MTUS1: variants seen among roughly 807,000 people sequenced by gnomAD.
MTUS1 encodes the protein microtubule-associated tumor suppressor 1.
Under a neutral mutation model 120.8 loss-of-function variants are expected in MTUS1, and 109 were observed. The observed-to-expected ratio is 0.90, with a 90% CI of 0.77 to 1.06. The LOEUF is 1.06. Among genes scored for constraint, MTUS1 ranks in the 50% least tolerant of loss-of-function variants. The probability of loss-of-function intolerance (pLI) is 0.00; values close to 1 mark genes in which losing one functional copy is unlikely to be tolerated. For synonymous variants in MTUS1, 737 were observed against 550.5 expected (o/e 1.34, Z -4.74); for missense variants, 2,210 against 1,486.3 (o/e 1.49, Z -8.01).
chr8:17,736,757 G>C (rs1056837038), intron 3 of MTUS1, among the ~76,000 whole-genome samples: 10 of 151,866 alleles, frequency 6.6e-5, no homozygotes, highest in African/African-American at 2.4e-4. Context: ...GCTAATTTTT[G>C]TATGTTTAGT....
intron 1 of MTUS1, among the ~76,000 whole-genome samples, chr8:17,766,357 A>G (rs1350056283): frequency 6.6e-6 from 1 of 152,218 alleles, no homozygotes; most frequent in African/African-American, 2.4e-5. Flanking sequence ...ATTCCCACTC[A>G]TGCCAAAGGC....
rs188064244 is a variant in MTUS1, at chr8:17,791,994, T to C, written c.-155+9067A>G. Among the ~76,000 whole-genome samples the C allele has an allele frequency of 2.2e-4, 34 of 152,248 alleles. No individual in the cohort carries two copies. In the East Asian group the frequency reaches 6.2e-3, roughly 28 times the overall value. On this transcript the variant is annotated intron_variant, in intron 1 of 14. Transcript: ENST00000693296. ...TGAGCCAACTGGGGAGCAAAGGTAA[T>C]GAAATTTCACTCAAGGTCACATGGC...
At position 17,800,066 on chromosome 8, in the gene MTUS1, T is replaced by C. The variant is rs75283983; in HGVS notation, c.-155+995A>G. On this transcript the variant is annotated intron_variant, in intron 1 of 14. Coordinates refer to ENST00000693296, the MANE Select transcript of MTUS1 (RefSeq NM_001363059.2). ...CTGAAAAAGCAAACTGTCTACAGAATTGCAATTCCGTTTATGCAATTCCTT... is the reference window on the plus strand; with the variant it reads ...CTGAAAAAGCAAACTGTCTACAGAACTGCAATTCCGTTTATGCAATTCCTT... Among the ~76,000 whole-genome samples the C allele has an allele frequency of 5.9e-3, 894 of 152,328 alleles. 15 individuals carry two copies. The highest frequency in any genetic ancestry group is 0.021 in the African/African-American group (863 of 41,578).
rs568269009 is a variant in MTUS1, at chr8:17,690,124, T to C, written c.2624-5582A>G. Among the ~76,000 whole-genome samples the C allele has an allele frequency of 2.3e-4, 35 of 152,262 alleles. No homozygotes were observed. In the South Asian group the frequency reaches 5.2e-3, roughly 23 times the overall value. ...GGAGAAAATATTTGCAAACTATGCA[T>C]TTGACAAAGATCTAATATTCAGAAT... On this transcript the variant is annotated intron_variant, in intron 6 of 14. Transcript: ENST00000693296.
chr8:17,656,007 C>T lies in MTUS1; in HGVS notation c.2964G>A (p.Val988=), dbSNP rs1585432796. ...LEKARNELQT[V]YEAFVQQHQA... is the part of the protein sequence containing the mutation. ...GGTGCTGCTGGACGAATGCTTCATA[C>T]ACTGTTTGTAACTCATTCCTGGCTT... is the stretch of plus-strand genomic sequence containing the variant. Residue 988 remains valine (V), a synonymous_variant, in exon 9 of 15, where the codon GTG becomes GTA. Transcript: ENST00000693296. The T allele has an allele frequency of 6.2e-7, 1 of 1,614,222 alleles. No individual in the cohort carries two copies. Among genetic ancestry groups the T allele is most frequent in the Non-Finnish European group, 8.5e-7 (1 of 1,180,040 alleles).
chr8:17,773,885 G>C (rs1050392226), intron 1 of MTUS1, among the ~76,000 whole-genome samples: 1 of 152,088 alleles, frequency 6.6e-6, no homozygotes, highest in African/African-American at 2.4e-5. Flanking sequence ...ATGGATCAAT[G>C]ACTAGCATTT....
Position 17,754,641 on chromosome 8 carries a change from T to G in MTUS1, c.1167A>C (p.Gln389His), listed in dbSNP as rs1273828835. 1.2e-6 allele frequency: 2 copies of G among 1,614,114 alleles called. No homozygotes were observed. The highest frequency in any genetic ancestry group is 4.5e-5 in the East Asian group (2 of 44,896). ...TTAGAATCAATTCTGAGGTATGATT[T>G]TGGGTTCCCAAATCCTTTCCTTTGG... The part of the protein sequence containing the change: ...MVSKGKDLGT[Q>H]NHTSELILSS... The change falls in exon 2 of 15, where the codon CAA becomes CAC. Residue 389 changes from glutamine to histidine, a missense_variant. Coordinates refer to ENST00000693296, the MANE Select transcript of MTUS1 (RefSeq NM_001363059.2).
intron 6 of MTUS1, among the ~76,000 whole-genome samples, chr8:17,703,641 A>AT (rs1819559491): frequency 6.6e-6 from 1 of 151,146 alleles, no homozygotes; most frequent in Non-Finnish European, 1.5e-5. Context: ...AAAAAAAAAA[A>AT]AAAGGACTGA....
chr8:17,750,956 G>T (rs758961219), intron 2 of MTUS1, among the ~76,000 whole-genome samples: 28 of 152,324 alleles, frequency 1.8e-4, no homozygotes, highest in Middle Eastern at 3.4e-3. Flanking sequence ...CTGTGAGGTT[G>T]CAGGCAGTCT....
At position 17,645,809 on chromosome 8, in the gene MTUS1, C is replaced by G. The variant is rs562171804; in HGVS notation, c.*117G>C. Reference sequence around the variant, plus strand: ...TCCGCCGGTGGTGACGCTCCAGTTACCCTACGGTGATCACACGTGTGCTGA... The same window carrying G: ...TCCGCCGGTGGTGACGCTCCAGTTAGCCTACGGTGATCACACGTGTGCTGA... On this transcript the variant is annotated 3_prime_UTR_variant, in exon 15 of 15. Transcript: ENST00000693296. The G allele has an allele frequency of 2.2e-6, 3 of 1,388,336 alleles. No individual in the cohort carries two copies. The Admixed American group carries it at 8.3e-5, about 38-fold the overall frequency. 86.0% of individuals were successfully genotyped at this position (1,388,336 alleles called of 1,614,324 possible).
At chr8:17,686,726 T>A (rs2130792443) in intron 6 of MTUS1, among the ~76,000 whole-genome samples, 1 of 152,334 alleles carries the variant, frequency 6.6e-6, no homozygotes, top group Non-Finnish European at 1.5e-5. Flanking sequence ...AAAATATTCT[T>A]CAAGATTCTT....
chr8:17,762,036 T>A (rs1387314478), intron 1 of MTUS1, among the ~76,000 whole-genome samples: 1 of 152,266 alleles, frequency 6.6e-6, no homozygotes, highest in South Asian at 2.1e-4. Flanking sequence ...TACCAAGACT[T>A]TGGGAAGCCG....
At chr8:17,711,906 G>C (rs542423918) in intron 6 of MTUS1, among the ~76,000 whole-genome samples, 227 of 152,314 alleles carry the variant, frequency 1.5e-3, no homozygotes, top group African/African-American at 5.3e-3. Context: ...AAGGGAGAGA[G>C]ATGGAAGAGG....
At chr8:17,751,015 A>G (rs2048146264) in intron 2 of MTUS1, among the ~76,000 whole-genome samples, 1 of 152,244 alleles carries the variant, frequency 6.6e-6, no homozygotes, top group Non-Finnish European at 1.5e-5. Context: ...CCAACAAAGC[A>G]ACAGTAAAAA....
intron 7 of MTUS1, 118 bp downstream of exon 7, chr8:17,684,210 G>A: frequency 1.4e-6 from 1 of 726,536 alleles, no homozygotes; most frequent in Non-Finnish European, 2.4e-6. Flanking sequence ...TGGGATGAAT[G>A]ACACCTGATC....
chr8:17,688,702 T>C (rs1321860817), intron 6 of MTUS1, among the ~76,000 whole-genome samples: 1 of 152,240 alleles, frequency 6.6e-6, no homozygotes, highest in Non-Finnish European at 1.5e-5. Flanking sequence ...CATACAGTTT[T>C]TTAAAGTTAC....
intron 2 of MTUS1, among the ~76,000 whole-genome samples, chr8:17,746,870 A>G (rs1294081237): frequency 2.0e-5 from 3 of 152,200 alleles, no homozygotes; most frequent in South Asian, 2.1e-4. Context: ...ATTTTCTAAA[A>G]TTAATCTTAC....
In MTUS1 at chr8:17,715,666, G is replaced by A. The variant is rs1317602673; in HGVS notation, c.2584+101C>T. The A allele has an allele frequency of 3.4e-5, 41 of 1,189,472 alleles. 1 individual carries two copies. In the Middle Eastern group the frequency reaches 1.4e-3, roughly 41 times the overall value. 73.7% of individuals were successfully genotyped at this position (1,189,472 alleles called of 1,614,324 possible). On this transcript the variant is annotated intron_variant, in intron 5 of 14. Transcript: ENST00000693296. ...CTTTCTCAACATATTTGTAATCATT[G>A]TTGACTATACCATAAACCTAATTGT...
intron 12 of MTUS1, among the ~76,000 whole-genome samples, chr8:17,652,592 T>C (rs887528580): frequency 2.6e-5 from 4 of 152,140 alleles, no homozygotes; most frequent in African/African-American, 7.2e-5. Context: ...GACAACTTTA[T>C]GAATATACTA....
Sources: allele counts gnomAD v4.1 joint callset (sites outside exome capture counted in the v4.1 genomes callset), GRCh38; gene constraint gnomAD v4.1.1; transcripts MANE v1.5; gene names NCBI Gene and HGNC (gene_info 2026-07-23, HGNC 2026-07-21).